PCCA: variants seen among roughly 807,000 people sequenced by gnomAD.
The protein encoded by PCCA is propionyl-CoA carboxylase alpha chain, mitochondrial.
In PCCA, 74 loss-of-function variants were observed where a neutral mutation model predicts 101.3. The ratio of observed to expected loss-of-function variants is 0.73; its 90% CI spans 0.61 to 0.89. The LOEUF (loss-of-function observed/expected upper bound fraction) is 0.89, where lower values mean the gene tolerates loss of function less well. PCCA is among the 40% of genes least tolerant of loss of function. The probability of loss-of-function intolerance (pLI) is 0.00; values close to 1 mark genes in which losing one functional copy is unlikely to be tolerated. For synonymous variants in PCCA, 294 were observed against 313.6 expected, an observed-to-expected ratio of 0.94 and a Z score of 0.66; for missense variants, 891 against 907.0, an observed-to-expected ratio of 0.98 and a Z score of 0.23.
chr13:100,411,544 C>T (rs1443598594), intron 19 of PCCA, among the ~76,000 whole-genome samples: 1 of 152,190 alleles, frequency 6.6e-6, no homozygotes, highest in South Asian at 2.1e-4. Flanking sequence ...GGTCTATGCC[C>T]TGCAAGTCTG....
chr13:100,122,225 C>G (rs1328590634), intron 4 of PCCA, among the ~76,000 whole-genome samples: 1 of 152,080 alleles, frequency 6.6e-6, no homozygotes, highest in Admixed American at 6.6e-5. Flanking sequence ...GCTGTGTAAT[C>G]CTTTGTATAT....
At chr13:100,158,829 A>T (rs1016713895) in intron 6 of PCCA, among the ~76,000 whole-genome samples, 1 of 151,972 alleles carries the variant, frequency 6.6e-6, no homozygotes, top group Admixed American at 6.6e-5. Flanking sequence ...CTGTGACAGC[A>T]GAGTTGAGTA....
intron 17 of PCCA, among the ~76,000 whole-genome samples, chr13:100,337,251 G>T (rs1307249156): frequency 6.6e-6 from 1 of 152,108 alleles, no homozygotes; most frequent in East Asian, 1.9e-4. Context: ...GCCAGGCAGG[G>T]TTTACACATT....
chr13:100,325,856 A>T (rs1003093964), intron 16 of PCCA, among the ~76,000 whole-genome samples: 4 of 152,124 alleles, frequency 2.6e-5, no homozygotes, highest in African/African-American at 9.7e-5. Flanking sequence ...AGTTCTTTTG[A>T]TATGGACAGA....
intron 8 of PCCA, among the ~76,000 whole-genome samples, chr13:100,245,433 C>A (rs374656757): frequency 6.6e-6 from 1 of 152,176 alleles, no homozygotes; most frequent in Non-Finnish European, 1.5e-5. Flanking sequence ...CACATTTTTA[C>A]AGCCCCTCTC....
intron 20 of PCCA, among the ~76,000 whole-genome samples, chr13:100,441,534 T>A (rs2080367041): frequency 6.6e-6 from 1 of 152,238 alleles, no homozygotes; most frequent in Non-Finnish European, 1.5e-5. Context: ...CTAACAAATG[T>A]TGAAGTCATT....
At chr13:100,094,868 G>A (rs1457114093) in intron 1 of PCCA, among the ~76,000 whole-genome samples, 1 of 152,154 alleles carries the variant, frequency 6.6e-6, no homozygotes, top group Non-Finnish European at 1.5e-5. Context: ...GATTACAGAT[G>A]TGAGCCACCG....
intron 22 of PCCA, among the ~76,000 whole-genome samples, chr13:100,521,678 C>T (rs575351225): frequency 6.6e-6 from 1 of 152,252 alleles, no homozygotes; most frequent in African/African-American, 2.4e-5. Context: ...TCTGAGATGC[C>T]TTTTTTTGTG....
rs2152572391 is a variant in PCCA, at chr13:100,268,769, G to A, written c.900G>A (p.Val300=). ...CSIQRRNQKV[V]EEAPSIFLDA... Reference sequence around the variant, plus strand: ...TTCAGAGAAGAAATCAGAAGGTGGTGGAGGAAGCACCAAGGTAAGTCTCCT... The same window carrying A: ...TTCAGAGAAGAAATCAGAAGGTGGTAGAGGAAGCACCAAGGTAAGTCTCCT... The change falls in exon 11 of 24, where the codon GTG becomes GTA. Residue 300 remains valine, a synonymous_variant. Transcript: ENST00000376285. The A allele has an allele frequency of 1.9e-6, 3 of 1,613,036 alleles. No individual in the cohort carries two copies. The highest frequency in any genetic ancestry group is 2.2e-5 in the East Asian group (1 of 44,870).
Position 100,515,446 on chromosome 13 carries a change from C to G in PCCA, c.1919C>G (p.Thr640Ser), listed in dbSNP as rs1594099709. The change falls in exon 22 of 24, where the codon ACC (threonine) becomes AGC (serine). Residue 640 changes from threonine to serine, a missense_variant. Coordinates refer to ENST00000376285, the MANE Select transcript of PCCA (RefSeq NM_000282.4). ...LGTVYKVNILTRLAAELNKFM... is the reference protein window; with the variant it reads ...LGTVYKVNILSRLAAELNKFM... ...CTTAAGTACAAGGTGAATATCTTAA[C>G]CAGACTTGCCGCAGAATTGAACAAA... is the stretch of plus-strand genomic sequence containing the variant. The G allele has an allele frequency of 2.5e-6, 4 of 1,614,064 alleles. No individual in the cohort carries two copies. The highest frequency in any genetic ancestry group is 4.5e-5 in the East Asian group (2 of 44,886).
intron 7 of PCCA, among the ~76,000 whole-genome samples, chr13:100,212,436 G>C (rs1237524742): frequency 6.6e-6 from 1 of 152,142 alleles, no homozygotes; most frequent in Non-Finnish European, 1.5e-5. Flanking sequence ...GCCTATCCCT[G>C]CTCTAAAATT....
chr13:100,259,376 C>T (rs2062306654), intron 9 of PCCA, among the ~76,000 whole-genome samples: 1 of 147,454 alleles, frequency 6.8e-6, no homozygotes, highest in Non-Finnish European at 1.5e-5. Flanking sequence ...TCTCTGTCGC[C>T]CAGGCTGGAG....
intron 8 of PCCA, among the ~76,000 whole-genome samples, chr13:100,250,139 T>G (rs1360135782): frequency 2.6e-5 from 4 of 152,154 alleles, no homozygotes; most frequent in Non-Finnish European, 5.9e-5. Context: ...CATTCTTGTA[T>G]TTTTCCTGAT....
intron 6 of PCCA, among the ~76,000 whole-genome samples, chr13:100,205,490 T>A (rs2058794491): frequency 6.6e-6 from 1 of 152,114 alleles, no homozygotes; most frequent in African/African-American, 2.4e-5. Flanking sequence ...GCTATTTTTC[T>A]TTTGTATTGG....
intron 12 of PCCA, among the ~76,000 whole-genome samples, chr13:100,280,235 T>C (rs1027224833): frequency 6.6e-6 from 1 of 152,018 alleles, no homozygotes; most frequent in Non-Finnish European, 1.5e-5. Context: ...TTTTGCTTTA[T>C]TTTTTTTAAG....
At chr13:100,273,699 A>C (rs767958645) in intron 12 of PCCA, among the ~76,000 whole-genome samples, 4 of 152,184 alleles carry the variant, frequency 2.6e-5, no homozygotes, top group Non-Finnish European at 5.9e-5. Context: ...AATCTTTGGA[A>C]GGATGGAGGA....
intron 4 of PCCA, among the ~76,000 whole-genome samples, chr13:100,141,278 T>C (rs2051837654): frequency 6.6e-6 from 1 of 152,232 alleles, no homozygotes; most frequent in African/African-American, 2.4e-5. Context: ...ATTTCCACCA[T>C]TTCGAATGTA....
At chr13:100,260,675 G>A (rs978879796) in intron 9 of PCCA, among the ~76,000 whole-genome samples, 3 of 152,038 alleles carry the variant, frequency 2.0e-5, no homozygotes, top group Non-Finnish European at 4.4e-5. Context: ...TGGATTACAG[G>A]TGTGAGCCAC....
At chr13:100,141,298 TGTTA>T (rs759715170) in intron 4 of PCCA, among the ~76,000 whole-genome samples, 17 of 152,378 alleles carry the variant, frequency 1.1e-4, no homozygotes, top group East Asian at 7.7e-4. Context: ...ACTCTTTCTC[TGTTA>T]GTTCTCTCTC....
Sources: allele counts gnomAD v4.1 joint callset (sites outside exome capture counted in the v4.1 genomes callset), GRCh38; gene constraint gnomAD v4.1.1; transcripts MANE v1.5; gene names NCBI Gene and HGNC (gene_info 2026-07-23, HGNC 2026-07-21).